CTU1: variants seen among roughly 807,000 people sequenced by gnomAD.
CTU1 encodes the protein cytoplasmic tRNA 2-thiolation protein 1.
A neutral mutation model predicts 12.9 loss-of-function variants in CTU1; 15 were observed. The ratio of observed to expected loss-of-function variants is 1.16; its 90% CI spans 0.78 to 1.79. CTU1 has a LOEUF of 1.79. Among genes scored for constraint, CTU1 ranks in the 40% most tolerant of loss-of-function variants. The pLI, the probability that CTU1 is intolerant of heterozygous loss-of-function variation, is 0.00. For synonymous variants in CTU1, 295 were observed against 275.6 expected, an observed-to-expected ratio of 1.07 and a Z score of -0.70; for missense variants, 553 against 550.5, an observed-to-expected ratio of 1.00 and a Z score of -0.05.
intron 1 of CTU1, among the ~76,000 whole-genome samples, chr19:51,107,854 C>T (rs2091924215): frequency 6.6e-6 from 1 of 152,192 alleles, no homozygotes; most frequent in Non-Finnish European, 1.5e-5. Flanking sequence ...CACCAGGGCC[C>T]TCAGAGCTGC....
intron 2 of CTU1, among the ~76,000 whole-genome samples, chr19:51,101,829 T>G (rs1415317262): frequency 2.0e-5 from 3 of 152,182 alleles, no homozygotes; most frequent in Non-Finnish European, 4.4e-5. Flanking sequence ...GCTCCCAGTT[T>G]TGTAATAATT....
At position 51,104,227 on chromosome 19, in the gene CTU1, C is replaced by CCTCA; in HGVS notation, c.342_343insTGAG (p.Val115Ter). The CCTCA allele has an allele frequency of 6.6e-7, 1 of 1,515,916 alleles. No individual in the cohort carries two copies. Among genetic ancestry groups the CCTCA allele is most frequent in the Non-Finnish European group, 8.8e-7 (1 of 1,138,298 alleles). 93.9% of individuals were successfully genotyped at this position (1,515,916 alleles called of 1,614,324 possible). On this transcript the variant is annotated stop_gained and frameshift_variant, in exon 2 of 3. Coordinates refer to ENST00000421832, the MANE Select transcript of CTU1 (RefSeq NM_145232.4). LOFTEE classifies it high-confidence loss of function. ...CCAAAGAGGTCTTCGTAGGCCACGA[C>CCTCA]CGTGAGCGGCAGCTCCCAGCGCGCC... is the stretch of plus-strand genomic sequence containing the variant.
In CTU1 at chr19:51,099,039, C is replaced by T. The variant is rs983327903; in HGVS notation, c.609G>A (p.Glu203=). The T allele has an allele frequency of 6.0e-6, 9 of 1,511,486 alleles. No individual in the cohort carries two copies. Among genetic ancestry groups the T allele is most frequent in the African/African-American group, 1.4e-5 (1 of 70,408 alleles). The allele number at this position is 1,511,486 out of a possible 1,614,324, so 93.6% of individuals were successfully genotyped here. Residue 203 remains glutamate (E), a synonymous_variant, in exon 3 of 3, where the codon GAG becomes GAA. Coordinates refer to ENST00000421832, the MANE Select transcript of CTU1 (RefSeq NM_145232.4). ...GGCGGCAGCGCGGCAGGGCGCCCCCCTCGCCGGGAGAGCCCAGGCCCCCGC... is the reference window on the plus strand; with the variant it reads ...GGCGGCAGCGCGGCAGGGCGCCCCCTTCGCCGGGAGAGCCCAGGCCCCCGC... ...ARGGGLGSPG[E]GGALPRCRPL... is the part of the protein sequence containing the mutation.
intron 2 of CTU1, among the ~76,000 whole-genome samples, chr19:51,102,899 G>A (rs951389909): frequency 1.3e-5 from 2 of 152,096 alleles, no homozygotes; most frequent in Non-Finnish European, 2.9e-5. Context: ...CTCCCTCCAC[G>A]TCATAGGGTT....
At position 51,104,457 on chromosome 19, in the gene CTU1, A is replaced by G. The variant is rs2091915141; in HGVS notation, c.113T>C (p.Val38Ala). 7.7e-7 allele frequency: 1 copy of G among 1,298,080 alleles called. No homozygotes were observed. Among genetic ancestry groups the G allele is most frequent in the Non-Finnish European group, 9.8e-7 (1 of 1,023,298 alleles). 80.4% of individuals were successfully genotyped at this position (1,298,080 alleles called of 1,614,324 possible). ...ACFCAAFEAE[V>A]LHTVLAGRLL... ...GCGGCCGGCGAGCACCGTGTGCAGC[A>G]CCTCGGCCTCGAAGGCGGCGCAGAA... Residue 38 changes from valine to alanine, a missense_variant, in exon 2 of 3, where the codon GTG becomes GCG. Val to Ala is a moderately conservative substitution (Grantham distance 64). Around this residue, in one of 2 missense-constraint regions of CTU1, gnomAD observed 500 missense variants for 458.5 expected, o/e 1.09. Transcript: ENST00000421832.
chr19:51,104,460 T>A lies in CTU1; in HGVS notation c.110A>T (p.Glu37Val). 7.7e-7 allele frequency: 1 copy of A among 1,301,500 alleles called. No individual in the cohort carries two copies. Among genetic ancestry groups the A allele is most frequent in the Non-Finnish European group, 9.8e-7 (1 of 1,025,350 alleles). The allele number at this position is 1,301,500 out of a possible 1,614,324, so 80.6% of individuals were successfully genotyped here. ...GCCGGCGAGCACCGTGTGCAGCACCTCGGCCTCGAAGGCGGCGCAGAAGCA... is the reference window on the plus strand; with the variant it reads ...GCCGGCGAGCACCGTGTGCAGCACCACGGCCTCGAAGGCGGCGCAGAAGCA... ...GACFCAAFEA[E>V]VLHTVLAGRL... Residue 37 changes from glutamate (E) to valine (V), a missense_variant, in exon 2 of 3, where the codon GAG (glutamate) becomes GTG (valine). Glu to Val is a moderately radical substitution (Grantham distance 121, BLOSUM62 -2). Transcript: ENST00000421832.
intron 2 of CTU1, among the ~76,000 whole-genome samples, chr19:51,103,041 C>G (rs745845544): frequency 5.9e-5 from 9 of 152,156 alleles, no homozygotes; most frequent in Non-Finnish European, 1.0e-4. Flanking sequence ...CCTAGCCTGA[C>G]AATGATGATG....
rs2091914017 is a variant in CTU1, at chr19:51,104,201, C to T, written c.369G>A (p.Gly123=). 2.6e-6 allele frequency: 4 copies of T among 1,522,340 alleles called. No homozygotes were observed. Among genetic ancestry groups the T allele is most frequent in the Non-Finnish European group, 3.5e-6 (4 of 1,140,892 alleles). The allele number at this position is 1,522,340 out of a possible 1,614,324, so 94.3% of individuals were successfully genotyped here. Residue 123 remains glycine, a synonymous_variant, in exon 2 of 3, where the codon GGG becomes GGA. Coordinates refer to ENST00000421832, the MANE Select transcript of CTU1 (RefSeq NM_145232.4). ...GGGCCACGGCGTCCATCGTCCAGCC[C>T]CCAAAGAGGTCTTCGTAGGCCACGA... The part of the protein sequence containing the change: ...LTVVAYEDLF[G]GWTMDAVARS...
At chr19:51,100,768 C>G (rs2091905448) in intron 2 of CTU1, among the ~76,000 whole-genome samples, 1 of 152,166 alleles carries the variant, frequency 6.6e-6, no homozygotes, top group African/African-American at 2.4e-5. Context: ...TCCCAGACTT[C>G]TATCTACAGA....
Position 51,104,166 on chromosome 19 carries a change from G to T in CTU1, c.404C>A (p.Ala135Asp). The T allele has an allele frequency of 6.6e-7, 1 of 1,519,934 alleles. No individual in the cohort carries two copies. Among genetic ancestry groups the T allele is most frequent in the Non-Finnish European group, 8.8e-7 (1 of 1,141,382 alleles). 94.2% of individuals were successfully genotyped at this position (1,519,934 alleles called of 1,614,324 possible). ...GCAGGAGCGGCTGCGGCCGGAGCCG[G>T]CTGTGCTGCGGGCCACGGCGTCCAT... The part of the protein sequence containing the change: ...WTMDAVARST[A>D]GSGRSRSCCT... Residue 135 changes from alanine (A) to aspartate (D), a missense_variant, in exon 2 of 3, where the codon GCC becomes GAC. Coordinates refer to ENST00000421832, the MANE Select transcript of CTU1 (RefSeq NM_145232.4).
At chr19:51,099,882 C>T (rs2091903073) in intron 2 of CTU1, among the ~76,000 whole-genome samples, 2 of 152,120 alleles carry the variant, frequency 1.3e-5, no homozygotes, top group South Asian at 4.1e-4. Flanking sequence ...GCTGACTTTA[C>T]AATAGGGACA....
rs1358307921 is a variant in CTU1, at chr19:51,098,096, T to A, written c.*505A>T. On this transcript the variant is annotated 3_prime_UTR_variant, in exon 3 of 3. Coordinates refer to ENST00000421832, the MANE Select transcript of CTU1 (RefSeq NM_145232.4). The surrounding 1 kb of genome is among the most constrained non-coding windows in gnomAD (Gnocchi z 4.3). The stretch of plus-strand genomic sequence containing the variant: ...TGTGTCCATCAAGTCACGCTCCGCT[T>A]ACCCCACTGCGGGCAAACAGGAAAC... 1 of 152,370 alleles carries A rather than the reference T, an allele frequency of 6.6e-6. No individual in the cohort carries two copies. Among genetic ancestry groups the A allele is most frequent in the African/African-American group, 2.4e-5 (1 of 41,420 alleles). The allele number at this position is 152,370 out of a possible 1,614,324, so 9.4% of individuals were successfully genotyped here.
Position 51,104,540 on chromosome 19 carries a change from A to G in CTU1, c.30T>C (p.His10=), listed in dbSNP as rs768171935. Residue 10 remains histidine (H), a synonymous_variant, in exon 2 of 3, where the codon CAT becomes CAC. Coordinates refer to ENST00000421832, the MANE Select transcript of CTU1 (RefSeq NM_145232.4). MPAPPCASC[H]AARAALRRPL... The stretch of plus-strand genomic sequence containing the variant: ...GACGGCGGAGGGCGGCGCGTGCAGC[A>G]TGGCAGGAGGCGCACGGCGGGGCGG... 3.3e-4 allele frequency: 416 copies of G among 1,264,538 alleles called. No individual in the cohort carries two copies. Among genetic ancestry groups the G allele is most frequent in the Non-Finnish European group, 4.0e-4 (399 of 1,005,712 alleles). 78.3% of individuals were successfully genotyped at this position (1,264,538 alleles called of 1,614,324 possible).
chr19:51,104,030 G>T, intron 2 of CTU1, 32 bp downstream of exon 2: 2 of 1,417,856 alleles, frequency 1.4e-6, no homozygotes, highest in African/African-American at 1.5e-5. Flanking sequence ...CTGCCTCGGA[G>T]AGTGCCGCTC....
At chr19:51,106,833 G>A (rs1423410461) in intron 1 of CTU1, among the ~76,000 whole-genome samples, 5 of 152,078 alleles carry the variant, frequency 3.3e-5, no homozygotes, top group Admixed American at 3.3e-4. Context: ...CCATTCTTAT[G>A]AGCGCCTCTG....
intron 2 of CTU1, 60 bp downstream of exon 2, chr19:51,104,002 G>A (rs2091913178): frequency 2.9e-6 from 4 of 1,374,790 alleles, no homozygotes; most frequent in Non-Finnish European, 3.7e-6. Context: ...CCGCCTCCTC[G>A]CCTGTGCATT....
At chr19:51,100,660 C>T (rs2091905228) in intron 2 of CTU1, among the ~76,000 whole-genome samples, 1 of 152,096 alleles carries the variant, frequency 6.6e-6, no homozygotes, top group Non-Finnish European at 1.5e-5. Context: ...TGGGCAGCCT[C>T]CGGAAGCTGG....
rs941164464 is a variant in CTU1, at chr19:51,097,687, T to C, written c.*914A>G. The C allele has an allele frequency of 2.1e-5, 1 of 48,568 alleles. No homozygotes were observed. Among genetic ancestry groups the C allele is most frequent in the Non-Finnish European group, 3.8e-5 (1 of 26,316 alleles). The allele number at this position is 48,568 out of a possible 1,614,324, so 3.0% of individuals were successfully genotyped here. A position where few individuals can be genotyped will look rare whatever the true frequency, so the allele number is the denominator to read the frequency against. ...CAGTGGTGCCTTGATGCGGGGGGGA[T>C]GGGGGGGCGGGGGGGAAGGGGGCTG... is the stretch of plus-strand genomic sequence containing the variant. On this transcript the variant is annotated 3_prime_UTR_variant, in exon 3 of 3. Coordinates refer to ENST00000421832, the MANE Select transcript of CTU1 (RefSeq NM_145232.4).
intron 1 of CTU1, 67 bp from the exon 2 acceptor site, chr19:51,104,657 G>T: frequency 1.7e-6 from 2 of 1,153,840 alleles, no homozygotes; most frequent in East Asian, 3.5e-5. Flanking sequence ...TGCCATCGGG[G>T]AGATTGTCTG....
Sources: allele counts gnomAD v4.1 joint callset (sites outside exome capture counted in the v4.1 genomes callset), GRCh38; gene constraint gnomAD v4.1.1; regional missense constraint gnomAD v4.1.1; non-coding constraint Gnocchi (gnomAD v3.1); transcripts MANE v1.5; gene names NCBI Gene and HGNC (gene_info 2026-07-23, HGNC 2026-07-21).